ACSF2: variants seen among roughly 807,000 people sequenced by gnomAD.
ACSF2 encodes the protein medium-chain acyl-CoA ligase ACSF2, mitochondrial.
In ACSF2, 52 loss-of-function variants were observed where a neutral mutation model predicts 79.3. The ratio of observed to expected loss-of-function variants is 0.66; its 90% CI spans 0.53 to 0.83. ACSF2 has a LOEUF of 0.83. Among genes scored for constraint, ACSF2 ranks in the 40% least tolerant of loss-of-function variants. The pLI, the probability that ACSF2 is intolerant of heterozygous loss-of-function variation, is 0.00. For synonymous variants in ACSF2, 283 were observed against 312.6 expected, an observed-to-expected ratio of 0.91 and a Z score of 1.00; for missense variants, 661 against 803.3, an observed-to-expected ratio of 0.82 and a Z score of 2.14.
At position 50,471,222 on chromosome 17, in the gene ACSF2, GAGA is replaced by G; in HGVS notation, c.1323+88_1323+90del. 1 of 1,148,416 alleles carries G rather than the reference GAGA, an allele frequency of 8.7e-7. No homozygotes were observed. The highest frequency in any genetic ancestry group is 1.3e-6 in the Non-Finnish European group (1 of 767,586). 71.1% of individuals were successfully genotyped at this position (1,148,416 alleles called of 1,614,324 possible). On this transcript the variant is annotated intron_variant, in intron 11 of 15. Transcript: ENST00000300441. This position sits in a 1 kb window ranked among gnomAD's most constrained non-coding sequence, Gnocchi z 4.1. ...CTGGGACATCGGTTGCTTTCAGTGA[GAGA>G]GTCAAATGGCTCACTCAGGATGCCT...
chr17:50,429,109 G>A (rs1345307321), intron 1 of ACSF2, among the ~76,000 whole-genome samples: 1 of 152,256 alleles, frequency 6.6e-6, no homozygotes, highest in Non-Finnish European at 1.5e-5. Flanking sequence ...TGAGAGAAAA[G>A]AGCAAGGGCT....
chr17:50,451,172 C>G (rs1342484103), intron 1 of ACSF2, among the ~76,000 whole-genome samples: 1 of 152,178 alleles, frequency 6.6e-6, no homozygotes, highest in Non-Finnish European at 1.5e-5. Context: ...CTCCTGGGCT[C>G]AAGCGATCCT....
chr17:50,438,788 A>G (rs532957905), intron 1 of ACSF2, among the ~76,000 whole-genome samples: 1 of 152,074 alleles, frequency 6.6e-6, no homozygotes, highest in East Asian at 1.9e-4. Flanking sequence ...GCTGGTCTCA[A>G]ACTCCTGATC....
chr17:50,439,770 G>A (rs912238678), intron 1 of ACSF2, among the ~76,000 whole-genome samples: 3 of 152,168 alleles, frequency 2.0e-5, no homozygotes, highest in Non-Finnish European at 4.4e-5. Flanking sequence ...GAGGCCAGGA[G>A]TTTGAGGCCA....
At chr17:50,468,526 G>T in intron 10 of ACSF2, 1 of 1,614,256 alleles carries the variant, frequency 6.2e-7, no homozygotes, top group Non-Finnish European at 8.5e-7. Context: ...GCTTGAGGCC[G>T]CGGAAGGCAC....
At chr17:50,461,520 T>G in intron 3 of ACSF2, 113 bp from the exon 4 acceptor site, 1 of 1,589,592 alleles carries the variant, frequency 6.3e-7, no homozygotes, top group Non-Finnish European at 8.6e-7. Context: ...CAAGGAGGTC[T>G]CTGGGAGTTA....
At chr17:50,426,991 T>G (rs1462116300) in intron 1 of ACSF2, 1 of 1,535,712 alleles carries the variant, frequency 6.5e-7, no homozygotes, top group Admixed American at 2.0e-5. Context: ...TAAGTAAAGC[T>G]GCCTTCCCGG....
At chr17:50,452,052 A>G (rs2031711211) in intron 1 of ACSF2, among the ~76,000 whole-genome samples, 1 of 152,104 alleles carries the variant, frequency 6.6e-6, no homozygotes, top group Non-Finnish European at 1.5e-5. Flanking sequence ...TGACTTCTCT[A>G]CTCAGATCTG....
intron 10 of ACSF2, chr17:50,467,852 C>A: frequency 1.8e-6 from 1 of 571,224 alleles, no homozygotes; most frequent in Non-Finnish European, 3.0e-6. Context: ...TCGAGACTGG[C>A]AGCAGACAGG....
intron 1 of ACSF2, among the ~76,000 whole-genome samples, chr17:50,441,461 C>A (rs1335195614): frequency 2.0e-5 from 3 of 152,222 alleles, no homozygotes; most frequent in Non-Finnish European, 4.4e-5. Flanking sequence ...AGGCGTGAGC[C>A]ACCATGCCTG....
chr17:50,436,199 G>A (rs1313267282), intron 1 of ACSF2, among the ~76,000 whole-genome samples: 3 of 151,614 alleles, frequency 2.0e-5, no homozygotes, highest in African/African-American at 7.3e-5. Flanking sequence ...GCGCGATCTC[G>A]GCTCACTGCA....
At chr17:50,454,398 G>A (rs1388651122) in intron 1 of ACSF2, among the ~76,000 whole-genome samples, 3 of 151,992 alleles carry the variant, frequency 2.0e-5, no homozygotes, top group Non-Finnish European at 4.4e-5. Flanking sequence ...AAAGAAAAAA[G>A]AAAGGAGATG....
intron 1 of ACSF2, among the ~76,000 whole-genome samples, chr17:50,456,603 A>G (rs1267909109): frequency 2.6e-5 from 4 of 152,072 alleles, no homozygotes; most frequent in African/African-American, 9.7e-5. Flanking sequence ...GTGGTGGCGC[A>G]TGCCTGTAAT....
At position 50,474,554 on chromosome 17, in the gene ACSF2, T is replaced by A. The variant is rs201685284; in HGVS notation, c.*2T>A. 1 of 1,614,152 alleles carries A rather than the reference T, an allele frequency of 6.2e-7. No individual in the cohort carries two copies. ...ATGGAACGACATCTAAATCTGTGAA[T>A]AAAGCAGCAGGCCTGTCCTGGCCGG... On this transcript the variant is annotated 3_prime_UTR_variant, in exon 16 of 16. Coordinates refer to ENST00000300441, the MANE Select transcript of ACSF2 (RefSeq NM_025149.6). This position sits in a 1 kb window ranked among gnomAD's most constrained non-coding sequence, Gnocchi z 4.2.
At position 50,445,133 on chromosome 17, in the gene ACSF2, G is replaced by A. The variant is rs374654683; in HGVS notation, c.129-15544G>A. On this transcript the variant is annotated intron_variant, in intron 1 of 15. Coordinates refer to ENST00000300441, the MANE Select transcript of ACSF2 (RefSeq NM_025149.6). ...TCTCACTGCATTGCCCAGGCTGGTCGTGAACTCCTGGACTCAGGGAATCCT... is the reference window on the plus strand; with the variant it reads ...TCTCACTGCATTGCCCAGGCTGGTCATGAACTCCTGGACTCAGGGAATCCT... Among the ~76,000 whole-genome samples the A allele has an allele frequency of 3.8e-4, 58 of 152,084 alleles. No individual in the cohort carries two copies. In the East Asian group the frequency reaches 9.9e-3, roughly 26 times the overall value.
intron 1 of ACSF2, 41 bp downstream of exon 1, chr17:50,426,430 C>A: frequency 7.8e-7 from 1 of 1,284,800 alleles, no homozygotes; most frequent in Non-Finnish European, 9.9e-7. Flanking sequence ...GGGGCAGTTC[C>A]CCGGGAGAGG....
chr17:50,472,265 CT>C (rs1359196264), intron 11 of ACSF2, 162 bp from the exon 12 acceptor site: 7 of 784,908 alleles, frequency 8.9e-6, no homozygotes, highest in Non-Finnish European at 1.3e-5. Flanking sequence ...CGACTCTAGC[CT>C]TTGTCTCCCT....
At chr17:50,444,479 A>G (rs574474090) in intron 1 of ACSF2, among the ~76,000 whole-genome samples, 1 of 152,028 alleles carries the variant, frequency 6.6e-6, no homozygotes, top group Non-Finnish European at 1.5e-5. Context: ...CATTTGAACC[A>G]GGGAGGTAGA....
intron 1 of ACSF2, among the ~76,000 whole-genome samples, chr17:50,438,831 T>C (rs935693026): frequency 2.0e-5 from 3 of 152,124 alleles, no homozygotes; most frequent in African/African-American, 7.2e-5. Flanking sequence ...ACTCCCAAAG[T>C]GCTAAGATTA....
Sources: allele counts gnomAD v4.1 joint callset (sites outside exome capture counted in the v4.1 genomes callset), GRCh38; gene constraint gnomAD v4.1.1; non-coding constraint Gnocchi (gnomAD v3.1); transcripts MANE v1.5; gene names NCBI Gene and HGNC (gene_info 2026-07-23, HGNC 2026-07-21).